The following XG variants were observed in gnomAD, a reference collection of about 807,000 sequenced individuals.
XG encodes Xg glycoprotein (Xg blood group).
A neutral mutation model predicts 25.7 loss-of-function variants in XG; 24 were observed. The ratio of observed to expected loss-of-function variants is 0.93; its 90% confidence interval spans 0.68 to 1.31. XG has a LOEUF of 1.31. Ranked by LOEUF, XG falls within the 40% of genes most tolerant of loss-of-function variation. The pLI is 0.00. For missense variants in XG, 181 were observed against 187.6 expected (o/e 0.96, Z 0.21); for synonymous variants, 77 against 69.2 (o/e 1.11, Z -0.56).
chrX:2,784,367 G>T (rs1457260908), intron 4 of XG, among the ~76,000 whole-genome samples: 1 of 110,505 alleles, frequency 9.0e-6, no homozygotes, highest in East Asian at 2.9e-4. Context: ...TGGATCACCT[G>T]AGGTCAGGAG....
intron 4 of XG, 116 bp from the exon 5 acceptor site, chrX:2,789,528 C>T: frequency 2.4e-6 from 1 of 420,685 alleles, no homozygotes. Context: ...TTAATAAGCT[C>T]CGTAAAAGCA....
At chrX:2,759,051 TCTATCA>T (rs1403921907) in intron 1 of XG, among the ~76,000 whole-genome samples, 102 of 151,584 alleles carry the variant, frequency 6.7e-4, no homozygotes, top group African/African-American at 1.9e-3. Flanking sequence ...TATCCATCCG[TCTATCA>T]ATCTATCTAT....
intron 3 of XG, among the ~76,000 whole-genome samples, chrX:2,781,248 G>A (rs1291656127): frequency 3.3e-5 from 5 of 151,172 alleles, no homozygotes; most frequent in Admixed American, 1.3e-4. Context: ...TTCTTAACAG[G>A]ACCCATTTAG....
intron 4 of XG, 96 bp from the exon 5 acceptor site, chrX:2,789,548 A>G: frequency 2.0e-6 from 1 of 503,423 alleles, no homozygotes; most frequent in Non-Finnish European, 3.3e-6. Context: ...AATGGGCAGT[A>G]ACATCTTTTC....
chrX:2,768,659 T>C (rs2050751004), intron 1 of XG, among the ~76,000 whole-genome samples: 1 of 152,152 alleles, frequency 6.6e-6, no homozygotes, highest in Admixed American at 6.5e-5. Flanking sequence ...TCCCAGTTAC[T>C]CAGACGGCTG....
At chrX:2,754,723 G>A (rs1158225866) in intron 1 of XG, among the ~76,000 whole-genome samples, 1 of 152,164 alleles carries the variant, frequency 6.6e-6, no homozygotes, top group Non-Finnish European at 1.5e-5. Context: ...GGAGAAAGAT[G>A]TAGGCCAGAA....
intron 9 of XG, among the ~76,000 whole-genome samples, chrX:2,809,815 C>T (rs1278712444): frequency 9.8e-5 from 11 of 111,739 alleles, no homozygotes; most frequent in Non-Finnish European, 1.9e-4. Flanking sequence ...CATGTGGGCT[C>T]TCACATCCCT....
At chrX:2,752,402 A>G in intron 1 of XG, 67 bp downstream of exon 1, 2 of 1,608,686 alleles carry the variant, frequency 1.2e-6, no homozygotes, top group Non-Finnish European at 8.5e-7. Context: ...GCTTTAAGAA[A>G]CTCTTTCCAA....
At chrX:2,814,338 A>G (rs756085078) in intron 10 of XG, 26 bp from the exon 11 acceptor site, 1 of 1,190,360 alleles carries the variant, frequency 8.4e-7, no homozygotes, top group Non-Finnish European at 1.1e-6. Flanking sequence ...CCCCACAATG[A>G]CATTTGTTTC....
intron 1 of XG, among the ~76,000 whole-genome samples, chrX:2,759,458 G>A (rs1298017175): frequency 7.2e-5 from 11 of 152,130 alleles, no homozygotes; most frequent in African/African-American, 2.2e-4. Flanking sequence ...AGTTGTCTGG[G>A]CATTTCTAAA....
intron 2 of XG, among the ~76,000 whole-genome samples, chrX:2,772,734 C>G (rs1426802108): frequency 6.6e-6 from 1 of 152,172 alleles, no homozygotes; most frequent in African/African-American, 2.4e-5. Context: ...TTTTAAAAAT[C>G]ACATAAATAA....
At chrX:2,787,163 A>G (rs187195799) in intron 4 of XG, among the ~76,000 whole-genome samples, 1,543 of 107,789 alleles carry the variant, frequency 0.014, 30 homozygotes, top group African/African-American at 0.048. Flanking sequence ...AGCCTCCAGG[A>G]CTGTGGGAGA....
intron 7 of XG, among the ~76,000 whole-genome samples, chrX:2,805,438 G>A (rs1266273885): frequency 9.0e-6 from 1 of 111,220 alleles, no homozygotes; most frequent in Non-Finnish European, 1.9e-5. Flanking sequence ...TCCTTGGCTC[G>A]TCGACATCAT....
chrX:2,772,678 G>A (rs2050845059), intron 2 of XG, among the ~76,000 whole-genome samples: 1 of 152,172 alleles, frequency 6.6e-6, no homozygotes, highest in Admixed American at 6.5e-5. Flanking sequence ...CCATTGAATT[G>A]CACACTTTAA....
At chrX:2,802,427 G>A (rs773208566) in intron 7 of XG, among the ~76,000 whole-genome samples, 1 of 111,728 alleles carries the variant, frequency 9.0e-6, no homozygotes, top group Admixed American at 9.5e-5. Flanking sequence ...AAAGAGCTGG[G>A]ATTACGGGCA....
intron 10 of XG, among the ~76,000 whole-genome samples, chrX:2,811,688 T>C (rs1213821216): frequency 2.7e-5 from 3 of 111,759 alleles, no homozygotes; most frequent in Non-Finnish European, 5.6e-5. Flanking sequence ...CTCTACCTCC[T>C]GGGTTCAAGA....
chrX:2,796,496 A>G (rs868248301), intron 6 of XG, among the ~76,000 whole-genome samples: 1 of 67,749 alleles, frequency 1.5e-5, no homozygotes, highest in Non-Finnish European at 2.8e-5. Context: ...GTGTATATAT[A>G]TATACACCTT....
rs1331537659 is a variant in XG at position 2,782,143 on chromosome X, G to A, written c.190+15G>A. ...CAGCGGTGGAAGTAAGAATCCGCAG[G>A]CCTGAAACTCTTTCTCAATCTGGTT... On this transcript the variant is annotated intron_variant, in intron 4 of 10. Coordinates refer to ENST00000644266, the MANE Select transcript of XG (RefSeq NM_001141919.2). The A allele has an allele frequency of 8.3e-7, 1 of 1,209,091 alleles. No individual in the cohort carries two copies. Among genetic ancestry groups the A allele is most frequent in the Non-Finnish European group, 1.1e-6 (1 of 892,997 alleles).
intron 1 of XG, among the ~76,000 whole-genome samples, chrX:2,767,325 C>T (rs1175590252): frequency 1.3e-5 from 2 of 152,028 alleles, no homozygotes; most frequent in Non-Finnish European, 2.9e-5. Context: ...TCATGTGTAA[C>T]GCTCGGCCCA....
Sources: allele counts gnomAD v4.1 joint callset (sites outside exome capture counted in the v4.1 genomes callset), GRCh38; gene constraint gnomAD v4.1.1; transcripts MANE v1.5; gene names NCBI Gene and HGNC (gene_info 2026-07-23, HGNC 2026-07-21).